The following RXFP2 variants were observed in gnomAD, a reference collection of about 807,000 sequenced individuals.
RXFP2 encodes the protein relaxin receptor 2.
Under a neutral mutation model 88.6 loss-of-function variants are expected in RXFP2, and 68 were observed. That is an observed-to-expected ratio of 0.77 (90% CI 0.63 to 0.94). RXFP2 has a LOEUF of 0.94. Ranked by LOEUF, RXFP2 falls within the 40% of genes least tolerant of loss-of-function variation. RXFP2 has a pLI of 0.00. For synonymous variants in RXFP2, 329 were observed against 306.8 expected (o/e 1.07, Z -0.76); for missense variants, 791 against 893.9 (o/e 0.88, Z 1.47).
At chr13:31,782,595 T>C in intron 10 of RXFP2, 81 bp from the exon 11 acceptor site, 1 of 1,022,710 alleles carries the variant, frequency 9.8e-7, no homozygotes, top group Admixed American at 1.7e-5. Flanking sequence ...AAATTCTGCC[T>C]GGATCAGTGG....
At position 31,792,030 on chromosome 13, in the gene RXFP2, T is replaced by C. The variant is rs1219803409; in HGVS notation, c.1370T>C (p.Leu457Pro). ...NTTHAMSIKI[L>P]CCADCLMGVY... Reference sequence around the variant, plus strand: ...ACTCACGCTATGTCCATCAAAATCCTTTGTTGTAAGTATGTTTCCAGTATA... The same window carrying C: ...ACTCACGCTATGTCCATCAAAATCCCTTGTTGTAAGTATGTTTCCAGTATA... Residue 457 changes from leucine to proline, a missense_variant, in exon 15 of 18, where the codon CTT becomes CCT. Transcript: ENST00000298386. 6.2e-7 allele frequency: 1 copy of C among 1,607,330 alleles called. No individual in the cohort carries two copies.
chr13:31,791,863 C>T lies in RXFP2; in HGVS notation c.1203C>T (p.Pro401=). 6.2e-7 allele frequency: 1 copy of T among 1,614,138 alleles called. No individual in the cohort carries two copies. The highest frequency in any genetic ancestry group is 8.5e-7 in the Non-Finnish European group (1 of 1,180,004). ...CTCCCCATGTCCGAATATGTATGCC[C>T]TTGACGGACGGCATTTCTTCATTTG... The part of the protein sequence containing the change: ...SYAPHVRICM[P]LTDGISSFED... The change falls in exon 15 of 18, where the codon CCC becomes CCT. Residue 401 remains proline, a synonymous_variant. Coordinates refer to ENST00000298386, the MANE Select transcript of RXFP2 (RefSeq NM_130806.5).
chr13:31,758,205 C>T (rs1291699260), intron 1 of RXFP2, 53 bp from the exon 2 acceptor site: 24 of 1,600,420 alleles, frequency 1.5e-5, no homozygotes, highest in East Asian at 1.3e-4. Context: ...TGGGACAACA[C>T]GGAGAGAGCT....
intron 5 of RXFP2, among the ~76,000 whole-genome samples, chr13:31,769,223 G>A (rs1009315699): frequency 9.2e-5 from 14 of 152,100 alleles, no homozygotes; most frequent in Admixed American, 4.6e-4. Context: ...AAATAAACCA[G>A]AAAGAGGATT....
chr13:31,800,428 C>T (rs1014525741), intron 17 of RXFP2, among the ~76,000 whole-genome samples: 3 of 152,050 alleles, frequency 2.0e-5, no homozygotes, highest in South Asian at 2.1e-4. Context: ...AAAAATTAGC[C>T]GGGCATGGTG....
At chr13:31,748,952 G>A (rs566267745) in intron 1 of RXFP2, among the ~76,000 whole-genome samples, 10 of 152,238 alleles carry the variant, frequency 6.6e-5, no homozygotes, top group South Asian at 2.1e-4. Flanking sequence ...GGCCAAGATC[G>A]TGCCACTGCA....
At chr13:31,752,246 C>A (rs7995174) in intron 1 of RXFP2, among the ~76,000 whole-genome samples, 35,063 of 152,054 alleles carry the variant, frequency 0.23, 4,295 homozygotes, top group Non-Finnish European at 0.28. Flanking sequence ...ATTAGGCAGT[C>A]ATCTGAAGAA....
intron 3 of RXFP2, among the ~76,000 whole-genome samples, chr13:31,763,680 T>C (rs190964788): frequency 1.4e-4 from 22 of 152,264 alleles, no homozygotes; most frequent in South Asian, 8.3e-4. Flanking sequence ...GGGGACATGA[T>C]TGGTTTGCAG....
intron 1 of RXFP2, among the ~76,000 whole-genome samples, chr13:31,740,441 C>A (rs1871185652): frequency 6.6e-6 from 1 of 151,948 alleles, no homozygotes; most frequent in South Asian, 2.1e-4. Context: ...TATTATTATT[C>A]AAAAATGTTT....
chr13:31,776,705 G>T (rs918732620), intron 7 of RXFP2, among the ~76,000 whole-genome samples: 2 of 152,140 alleles, frequency 1.3e-5, no homozygotes, highest in Non-Finnish European at 2.9e-5. Context: ...GGTGCTCAAT[G>T]TGGCTTCCTT....
At chr13:31,780,578 A>G (rs1593464063) in intron 9 of RXFP2, among the ~76,000 whole-genome samples, 1 of 152,346 alleles carries the variant, frequency 6.6e-6, no homozygotes, top group Non-Finnish European at 1.5e-5. Flanking sequence ...TAGTGTGACT[A>G]TGAGAAAAGT....
intron 17 of RXFP2, among the ~76,000 whole-genome samples, chr13:31,799,542 C>T (rs577534567): frequency 6.6e-6 from 1 of 152,272 alleles, no homozygotes; most frequent in Non-Finnish European, 1.5e-5. Flanking sequence ...GATGTGCTTT[C>T]CCACTTGTAG....
At chr13:31,787,368 G>A (rs889763793) in intron 13 of RXFP2, among the ~76,000 whole-genome samples, 1 of 152,170 alleles carries the variant, frequency 6.6e-6, no homozygotes, top group Non-Finnish European at 1.5e-5. Context: ...TCTCTTACCA[G>A]ATATTAGTGA....
Position 31,802,677 on chromosome 13 carries a change from T to C in RXFP2, c.*272T>C. On this transcript the variant is annotated 3_prime_UTR_variant, in exon 18 of 18. Transcript: ENST00000298386. The stretch of plus-strand genomic sequence containing the variant: ...AGTGGGCTGAGGTGCAGCTGATCTC[T>C]AGCTAATCAACACAACCCACCAACA... The C allele has an allele frequency of 2.2e-6, 1 of 452,042 alleles. No homozygotes were observed. The highest frequency in any genetic ancestry group is 4.1e-6 in the Non-Finnish European group (1 of 244,544). 28.0% of individuals were successfully genotyped at this position (452,042 alleles called of 1,614,324 possible).
At chr13:31,769,326 T>A (rs1872655580) in intron 5 of RXFP2, among the ~76,000 whole-genome samples, 1 of 152,052 alleles carries the variant, frequency 6.6e-6, no homozygotes, top group African/African-American at 2.4e-5. Context: ...TTCCCATCAT[T>A]CCTAAATTTA....
intron 9 of RXFP2, 22 bp from the exon 10 acceptor site, chr13:31,781,649 A>G (rs762748784): frequency 3.2e-6 from 5 of 1,544,198 alleles, no homozygotes; most frequent in Non-Finnish European, 3.6e-6. Context: ...TATTAAAAAT[A>G]TCTTTCCTCC....
chr13:31,763,348 G>A (rs1019950533), intron 3 of RXFP2, among the ~76,000 whole-genome samples: 1 of 152,088 alleles, frequency 6.6e-6, no homozygotes, highest in Non-Finnish European at 1.5e-5. Context: ...GCCCCCCAAA[G>A]TGTTGGGATT....
intron 6 of RXFP2, 148 bp downstream of exon 6, chr13:31,774,839 G>T (rs1872873223): frequency 1.5e-6 from 1 of 662,938 alleles, no homozygotes; most frequent in Admixed American, 2.2e-5. Context: ...TACACTGAAA[G>T]AATTATTAAA....
intron 7 of RXFP2, 55 bp downstream of exon 7, chr13:31,775,444 T>C: frequency 4.1e-6 from 5 of 1,220,832 alleles, no homozygotes; most frequent in Non-Finnish European, 6.1e-6. Flanking sequence ...TGATGATATA[T>C]AACAGTGCTA....
Sources: allele counts gnomAD v4.1 joint callset (sites outside exome capture counted in the v4.1 genomes callset), GRCh38; gene constraint gnomAD v4.1.1; transcripts MANE v1.5; gene names NCBI Gene and HGNC (gene_info 2026-07-23, HGNC 2026-07-21).